Variants in PCDHA4 observed in about 807,000 individuals in gnomAD.
PCDHA4 encodes the protein protocadherin alpha-4.
A neutral mutation model predicts 61.4 loss-of-function variants in PCDHA4; 49 were observed. That is an observed-to-expected ratio of 0.80 (90% CI 0.63 to 1.01). The LOEUF (loss-of-function observed/expected upper bound fraction) is 1.01, where lower values mean the gene tolerates loss of function less well. Among genes scored for constraint, PCDHA4 ranks in the 50% least tolerant of loss-of-function variants. PCDHA4 has a pLI of 0.00. For missense variants in PCDHA4, 1,254 were observed against 1,235.8 expected (o/e 1.01, Z -0.22); for synonymous variants, 590 against 550.3 (o/e 1.07, Z -1.01).
chr5:140,968,125 TAC>T, intron 1 of PCDHA4: 1 of 1,614,174 alleles, frequency 6.2e-7, no homozygotes, highest in Non-Finnish European at 8.5e-7. Context: ...CATCCCTGCG[TAC>T]ACTGAAGGTT....
At chr5:140,812,546 C>T (rs149725970) in intron 1 of PCDHA4, 1 of 151,688 alleles carries the variant, frequency 6.6e-6, no homozygotes, top group East Asian at 1.9e-4. Context: ...TTTCTAGTTC[C>T]TTGAGTTGTT....
At chr5:140,967,524 A>G in intron 1 of PCDHA4, 1 of 1,612,564 alleles carries the variant, frequency 6.2e-7, no homozygotes, top group Non-Finnish European at 8.5e-7. Context: ...ACTAACGACA[A>G]CTCTCCTGCC....
At position 140,967,010 on chromosome 5, in the gene PCDHA4, C is replaced by T. The variant is rs781936791; in HGVS notation, c.2386-11939C>T. 7 of 1,606,340 alleles carry T rather than the reference C, an allele frequency of 4.4e-6. No individual in the cohort carries two copies. In the South Asian group the frequency reaches 6.6e-5, roughly 15 times the overall value. On this transcript the variant is annotated intron_variant, in intron 1 of 3. Coordinates refer to ENST00000530339, the MANE Select transcript of PCDHA4 (RefSeq NM_018907.4). ...GCCGGGTTGCTTGCGCATCAACCAT[C>T]TGGGTGCGCCCAGTCCGCGCTACCT...
chr5:140,904,287 G>A (rs2071024041), intron 1 of PCDHA4, among the ~76,000 whole-genome samples: 1 of 151,908 alleles, frequency 6.6e-6, no homozygotes, highest in Non-Finnish European at 1.5e-5. Context: ...TGTGGTGTTT[G>A]GTTTTCCATT....
At chr5:140,924,738 T>C (rs2153573504) in intron 1 of PCDHA4, among the ~76,000 whole-genome samples, 1 of 151,522 alleles carries the variant, frequency 6.6e-6, no homozygotes, top group Admixed American at 6.6e-5. Flanking sequence ...CTAATAAAAA[T>C]ACAAAAATTA....
intron 1 of PCDHA4, chr5:140,841,078 T>C: frequency 3.8e-6 from 2 of 527,688 alleles, no homozygotes; most frequent in Non-Finnish European, 6.6e-6. Flanking sequence ...AAATAGAAAG[T>C]GCATAGAAGA....
intron 1 of PCDHA4, chr5:140,884,455 G>A: frequency 2.5e-6 from 4 of 1,613,784 alleles, no homozygotes; most frequent in Non-Finnish European, 3.4e-6. Flanking sequence ...CGCCCACCGA[G>A]GGCGCGTGCG....
chr5:140,843,735 G>A lies in PCDHA4; in HGVS notation c.2385+34163G>A. On this transcript the variant is annotated intron_variant, in intron 1 of 3. Coordinates refer to ENST00000530339, the MANE Select transcript of PCDHA4 (RefSeq NM_018907.4). ...CTCAAAGTAAGTCCATTTAAATTTA[G>A]AACTCATAAATTCTATTTGTGGAAA... The A allele has an allele frequency of 1.9e-6, 3 of 1,548,326 alleles. 1 individual carries two copies. The highest frequency in any genetic ancestry group is 2.7e-6 in the Non-Finnish European group (3 of 1,128,282).
chr5:140,850,555 C>T (rs1562471328), intron 1 of PCDHA4: 2 of 1,598,250 alleles, frequency 1.3e-6, no homozygotes, highest in South Asian at 1.1e-5. Context: ...GTGGGTGCCA[C>T]GGGCCCCGAG....
chr5:140,993,282 C>G lies in PCDHA4; in HGVS notation c.2533+10719C>G, dbSNP rs183298575. On this transcript the variant is annotated intron_variant, in intron 3 of 3. Transcript: ENST00000530339. Reference sequence around the variant, plus strand: ...ATTAGCTTCTTTGGTCTTTTCTTGCCCAGGGTCACAACCTTGCCTCCAGGA... The same window carrying G: ...ATTAGCTTCTTTGGTCTTTTCTTGCGCAGGGTCACAACCTTGCCTCCAGGA... Among the ~76,000 whole-genome samples, 618 of 151,922 alleles carry G rather than the reference C, an allele frequency of 4.1e-3. 6 individuals are homozygous for G. Among genetic ancestry groups the G allele is most frequent in the Non-Finnish European group, 5.9e-3 (399 of 67,976 alleles).
At chr5:140,871,141 C>A (rs1431247385) in intron 1 of PCDHA4, 2 of 1,613,438 alleles carry the variant, frequency 1.2e-6, no homozygotes, top group Non-Finnish European at 1.7e-6. Context: ...GGCCTCTTCC[C>A]GGACTTTGGC....
intron 1 of PCDHA4, chr5:140,841,218 C>G (rs2150312000): frequency 3.5e-6 from 5 of 1,431,458 alleles, no homozygotes; most frequent in Non-Finnish European, 4.7e-6. Context: ...CTCTAAAGGC[C>G]GAACAACGGG....
intron 1 of PCDHA4, among the ~76,000 whole-genome samples, chr5:140,941,191 T>TTTTTTTCTTTCTTTCTTTC (rs1554213809): frequency 2.1e-5 from 2 of 93,258 alleles, no homozygotes; most frequent in Admixed American, 1.2e-4. Context: ...GCTTCTTTTT[T>TTTTTTTCTTTCTTTCTTTC]TTTCTTTCTT....
intron 1 of PCDHA4, chr5:140,870,562 G>A: frequency 6.2e-7 from 1 of 1,613,996 alleles, no homozygotes; most frequent in Non-Finnish European, 8.5e-7. Context: ...GCAGGAGAAC[G>A]CGCTGGTGTC....
At chr5:140,836,443 C>A (rs1774486364) in intron 1 of PCDHA4, 5 of 1,613,726 alleles carry the variant, frequency 3.1e-6, no homozygotes, top group African/African-American at 1.3e-5. Flanking sequence ...TTGGGCATTG[C>A]AGGCCCAGAG....
chr5:140,897,875 G>A (rs2066378352), intron 1 of PCDHA4, among the ~76,000 whole-genome samples: 1 of 152,080 alleles, frequency 6.6e-6, no homozygotes, highest in South Asian at 2.1e-4. Flanking sequence ...TTTAATGATT[G>A]CCATTCTAAC....
intron 1 of PCDHA4, chr5:140,841,561 G>T (rs2150318242): frequency 8.1e-6 from 13 of 1,613,932 alleles, no homozygotes; most frequent in Non-Finnish European, 1.1e-5. Context: ...TAAGTCTGCA[G>T]AATGGCATTT....
intron 1 of PCDHA4, chr5:140,857,742 TG>T (rs1562528366): frequency 1.3e-6 from 2 of 1,597,278 alleles, no homozygotes; most frequent in African/African-American, 2.7e-5. Context: ...CCCGCGCTGC[TG>T]GCGTCTCCCG....
At chr5:140,863,532 T>G (rs1554158313) in intron 1 of PCDHA4, 1 of 390,936 alleles carries the variant, frequency 2.6e-6, no homozygotes, top group Non-Finnish European at 5.0e-6. Context: ...GTTCAGATTT[T>G]GGAGATGGAC....
Sources: gnomAD v4.1 joint callset for allele counts (sites outside exome capture counted in the v4.1 genomes callset) on GRCh38, gnomAD v4.1.1 for gene constraint, MANE v1.5 for transcripts, NCBI Gene and HGNC (gene_info 2026-07-23, HGNC 2026-07-21) for gene names.